The following PPP1R18 variants were observed in gnomAD, a reference collection of about 807,000 sequenced individuals.
PPP1R18 encodes the protein phostensin.
In PPP1R18, 31 loss-of-function variants were observed where a neutral mutation model predicts 54.8. The ratio of observed to expected loss-of-function variants is 0.57; its 90% CI spans 0.43 to 0.76. The LOEUF (loss-of-function observed/expected upper bound fraction) is 0.76. PPP1R18 is among the 30% of genes least tolerant of loss of function. The probability of loss-of-function intolerance (pLI) is 0.00; values close to 1 mark genes in which losing one functional copy is unlikely to be tolerated. For missense variants in PPP1R18, 685 were observed against 776.1 expected, an observed-to-expected ratio of 0.88 and a Z score of 1.39; for synonymous variants, 310 against 320.2, an observed-to-expected ratio of 0.97 and a Z score of 0.34.
intron 2 of PPP1R18, among the ~76,000 whole-genome samples, chr6:30,678,462 G>A (rs907325501): frequency 1.3e-5 from 2 of 150,230 alleles, no homozygotes; most frequent in Non-Finnish European, 3.0e-5. Context: ...TGCAAGCTCC[G>A]CCTCCCAGGT....
At chr6:30,682,226 G>A (rs1471933163) in intron 1 of PPP1R18, among the ~76,000 whole-genome samples, 3 of 151,934 alleles carry the variant, frequency 2.0e-5, no homozygotes, top group African/African-American at 7.3e-5. Context: ...GCCTGCATGG[G>A]AGTGGGGGGG....
rs768520051 is a variant in PPP1R18, at chr6:30,685,950, T to C, written c.69A>G (p.Arg23=). 6.2e-7 allele frequency: 1 copy of C among 1,605,034 alleles called. No homozygotes were observed. Among genetic ancestry groups the C allele is most frequent in the Non-Finnish European group, 8.5e-7 (1 of 1,179,284 alleles). ...GCTCCCGTTCTGCTTTCTCTCGGCC[T>C]CGAACGGACGCCTCCTCCTGCCGGC... ...ARRRQEEASV[R]GREKAERERL... The change falls in exon 1 of 3, where the codon CGA becomes CGG. Residue 23 remains arginine (R), a synonymous_variant. Transcript: ENST00000274853. This position sits in a 1 kb window ranked among gnomAD's most constrained non-coding sequence, Gnocchi z 5.0.
chr6:30,683,466 C>G lies in PPP1R18; in HGVS notation c.1611+942G>C, dbSNP rs1414473928. ...CCCCAACCCCTGTCCAGAACTCCCA[C>G]TGTGCTCCCTGGCCAGTGCCTGTTC... On this transcript the variant is annotated intron_variant, in intron 1 of 2. Transcript: ENST00000274853. This position sits in a 1 kb window ranked among gnomAD's most constrained non-coding sequence, Gnocchi z 5.1. Among the ~76,000 whole-genome samples, 1 of 152,200 alleles carries G rather than the reference C, an allele frequency of 6.6e-6. No individual in the cohort carries two copies. Among genetic ancestry groups the G allele is most frequent in the Non-Finnish European group, 1.5e-5 (1 of 68,036 alleles).
rs370875519 is a variant in PPP1R18 at position 30,685,977 on chromosome 6, C to T, written c.42G>A (p.Arg14=). 1.8e-5 allele frequency: 29 copies of T among 1,594,444 alleles called. No individual in the cohort carries two copies. The highest frequency in any genetic ancestry group is 2.2e-5 in the Non-Finnish European group (26 of 1,175,410). ...GAACGGACGCCTCCTCCTGCCGGCG[C>T]CGGGCTAGCAGCTGTAGCTTCCAGT... ...IPDWKLQLLA[R]RRQEEASVRG... Residue 14 remains arginine (R), a synonymous_variant, in exon 1 of 3, where the codon CGG becomes CGA. Coordinates refer to ENST00000274853, the MANE Select transcript of PPP1R18 (RefSeq NM_133471.4). This position sits in a 1 kb window ranked among gnomAD's most constrained non-coding sequence, Gnocchi z 5.0.
rs140243582 is a variant in PPP1R18, at chr6:30,677,165, TC to T, written c.*103del. The T allele has an allele frequency of 4.9e-3, 5,589 of 1,134,046 alleles. 45 individuals carry two copies. The highest frequency in any genetic ancestry group is 0.027 in the African/African-American group (1,796 of 65,586). The allele number at this position is 1,134,046 out of a possible 1,614,324, so 70.2% of individuals were successfully genotyped here. On this transcript the variant is annotated 3_prime_UTR_variant, in exon 3 of 3. Transcript: ENST00000274853. ...CAAGTTACAAGATGTTGGTTGCCCT[TC>T]CCTGCCAGGCTCATTATCAGGGTCT...
Position 30,676,582 on chromosome 6 carries a change from G to T in PPP1R18, c.*687C>A, listed in dbSNP as rs16897791. 7,514 of 158,016 alleles carry T rather than the reference G, an allele frequency of 0.048. 371 individuals carry two copies. The highest frequency in any genetic ancestry group is 0.12 in the African/African-American group (4,887 of 41,528). The allele number at this position is 158,016 out of a possible 1,614,324, so 9.8% of individuals were successfully genotyped here. On this transcript the variant is annotated 3_prime_UTR_variant, in exon 3 of 3. Transcript: ENST00000274853. Reference sequence around the variant, plus strand: ...ACTATCAAGGGGTACAGAGTTAAGAGTTCCAGCCTTCCCTCTTGGGGAAAA... The same window carrying T: ...ACTATCAAGGGGTACAGAGTTAAGATTTCCAGCCTTCCCTCTTGGGGAAAA...
intron 1 of PPP1R18, among the ~76,000 whole-genome samples, chr6:30,680,876 G>T (rs1356531792): frequency 1.2e-4 from 18 of 151,830 alleles, no homozygotes. Context: ...ACAAGGTCAA[G>T]AGATTGAGAC....
rs1314254209 is a variant in PPP1R18 at position 30,685,890 on chromosome 6, G to A, written c.129C>T (p.Leu43=). The part of the protein sequence containing the change: ...LSQMPAWKRG[L]LERRRAKLGL... ...CAAGCTTGGCCCGGCGGCGCTCCAG[G>A]AGCCCTCGTTTCCAGGCTGGCATCT... The change falls in exon 1 of 3, where the codon CTC becomes CTT. Residue 43 remains leucine (L), a synonymous_variant. Transcript: ENST00000274853. This position sits in a 1 kb window ranked among gnomAD's most constrained non-coding sequence, Gnocchi z 5.0. 4.3e-6 allele frequency: 7 copies of A among 1,610,956 alleles called. No homozygotes were observed.
At chr6:30,682,977 C>T (rs1770642090) in intron 1 of PPP1R18, among the ~76,000 whole-genome samples, 1 of 152,182 alleles carries the variant, frequency 6.6e-6, no homozygotes, top group Non-Finnish European at 1.5e-5. Flanking sequence ...CTGTTTTTTT[C>T]ATCTGCCCAG....
At position 30,677,242 on chromosome 6, in the gene PPP1R18, G is replaced by A. The variant is rs982687389; in HGVS notation, c.*27C>T. ...AGGATCTTCAGTTATAAGAAGGAGG[G>A]AGGTATATCCCTATGTTGGAAGATG... is the stretch of plus-strand genomic sequence containing the variant. On this transcript the variant is annotated 3_prime_UTR_variant, in exon 3 of 3. Transcript: ENST00000274853. The A allele has an allele frequency of 3.1e-6, 5 of 1,597,434 alleles. No individual in the cohort carries two copies. In the African/African-American group the frequency reaches 6.7e-5, roughly 21 times the overall value.
intron 2 of PPP1R18, among the ~76,000 whole-genome samples, chr6:30,678,700 T>A (rs1056165092): frequency 6.6e-6 from 1 of 152,060 alleles, no homozygotes; most frequent in Non-Finnish European, 1.5e-5. Flanking sequence ...ATTTTTCAAT[T>A]TTTTTGTAGA....
upstream of PPP1R18, chr6:30,688,231 G>C (rs1771153135): frequency 1.6e-5 from 3 of 192,958 alleles, no homozygotes; most frequent in South Asian, 2.8e-4. This position sits in a 1 kb window ranked among gnomAD's most constrained non-coding sequence, Gnocchi z 5.9. Context: ...TTGGGGCCTG[G>C]AGGGACAGCT....
At chr6:30,679,440 C>A (rs1770405099) in intron 1 of PPP1R18, 51 bp from the exon 2 acceptor site, 1 of 1,271,518 alleles carries the variant, frequency 7.9e-7, no homozygotes, top group Non-Finnish European at 1.1e-6. Flanking sequence ...AGGGGAGAAG[C>A]CCGCGGGGGT....
intron 1 of PPP1R18, among the ~76,000 whole-genome samples, chr6:30,682,605 C>T (rs1407502166): frequency 2.0e-5 from 3 of 151,934 alleles, no homozygotes; most frequent in Non-Finnish European, 4.4e-5. Context: ...GTGCTGCCTC[C>T]TCCCCACCCC....
In PPP1R18 at chr6:30,685,283, T is replaced by C; in HGVS notation, c.736A>G (p.Arg246Gly). The C allele has an allele frequency of 6.2e-7, 1 of 1,613,122 alleles. No individual in the cohort carries two copies. Among genetic ancestry groups the C allele is most frequent in the Non-Finnish European group, 8.5e-7 (1 of 1,180,026 alleles). ...TEAHKWRPDS[R>G]ESQEQSLVQL... ...ACCAAACTCTGTTCCTGAGACTCTCTGGAGTCAGGTCTCCATTTATGGGCC... is the reference window on the plus strand; with the variant it reads ...ACCAAACTCTGTTCCTGAGACTCTCCGGAGTCAGGTCTCCATTTATGGGCC... Residue 246 changes from arginine (R) to glycine (G), a missense_variant, in exon 1 of 3, where the codon AGA becomes GGA. Arg to Gly is a moderately radical substitution (Grantham distance 125, BLOSUM62 -2). Coordinates refer to ENST00000274853, the MANE Select transcript of PPP1R18 (RefSeq NM_133471.4). This position sits in a 1 kb window ranked among gnomAD's most constrained non-coding sequence, Gnocchi z 5.0.
At position 30,684,686 on chromosome 6, in the gene PPP1R18, C is replaced by G; in HGVS notation, c.1333G>C (p.Gly445Arg). 2 of 1,486,000 alleles carry G rather than the reference C, an allele frequency of 1.3e-6. No individual in the cohort carries two copies. Among genetic ancestry groups the G allele is most frequent in the Middle Eastern group, 4.0e-4 (2 of 5,034 alleles). The allele number at this position is 1,486,000 out of a possible 1,614,324, so 92.1% of individuals were successfully genotyped here. A position where few individuals can be genotyped will look rare whatever the true frequency, so the allele number is the denominator to read the frequency against. Residue 445 changes from glycine to arginine, a missense_variant, in exon 1 of 3, where the codon GGG becomes CGG. Coordinates refer to ENST00000274853, the MANE Select transcript of PPP1R18 (RefSeq NM_133471.4). The surrounding 1 kb of genome is among the most constrained non-coding windows in gnomAD (Gnocchi z 6.0). Reference sequence around the variant, plus strand: ...AACAGGCGGCTCATGAGGGGATCCCCAGGAGGTTGGGGGGCAGTTGGGGCT... The same window carrying G: ...AACAGGCGGCTCATGAGGGGATCCCGAGGAGGTTGGGGGGCAGTTGGGGCT... ...PPAPTAPQPP[G>R]DPLMSRLFYG...
chr6:30,685,476 G>A lies in PPP1R18; in HGVS notation c.543C>T (p.Asp181=). 2 of 1,612,950 alleles carry A rather than the reference G, an allele frequency of 1.2e-6. No individual in the cohort carries two copies. Among genetic ancestry groups the A allele is most frequent in the Non-Finnish European group, 1.7e-6 (2 of 1,180,006 alleles). Residue 181 remains aspartate, a synonymous_variant, in exon 1 of 3, where the codon GAC becomes GAT. Coordinates refer to ENST00000274853, the MANE Select transcript of PPP1R18 (RefSeq NM_133471.4). The surrounding 1 kb of genome is among the most constrained non-coding windows in gnomAD (Gnocchi z 5.0). The part of the protein sequence containing the change: ...DWRQSPGEVG[D]RSSRLSEAWK... ...ATGCCTCTGACAGTCGGGAGCTCCTGTCTCCCACCTCTCCTGGGCTTTGCC... is the reference window on the plus strand; with the variant it reads ...ATGCCTCTGACAGTCGGGAGCTCCTATCTCCCACCTCTCCTGGGCTTTGCC...
Position 30,684,175 on chromosome 6 carries a change from G to A in PPP1R18, c.1611+233C>T, listed in dbSNP as rs1352088305. ...ATGAGCAGCCTGGCACACCCTGAAA[G>A]AGACACACCCAGAGACAGCCTTTGC... On this transcript the variant is annotated intron_variant, in intron 1 of 2. Coordinates refer to ENST00000274853, the MANE Select transcript of PPP1R18 (RefSeq NM_133471.4). The surrounding 1 kb of genome is among the most constrained non-coding windows in gnomAD (Gnocchi z 6.0). Among the ~76,000 whole-genome samples, 1 of 152,206 alleles carries A rather than the reference G, an allele frequency of 6.6e-6. No individual in the cohort carries two copies. Among genetic ancestry groups the A allele is most frequent in the Non-Finnish European group, 1.5e-5 (1 of 68,050 alleles).
rs576156622 is a variant in PPP1R18, at chr6:30,683,155, T to C, written c.1611+1253A>G. On this transcript the variant is annotated intron_variant, in intron 1 of 2. Coordinates refer to ENST00000274853, the MANE Select transcript of PPP1R18 (RefSeq NM_133471.4). This position sits in a 1 kb window ranked among gnomAD's most constrained non-coding sequence, Gnocchi z 5.1. ...ATCTTTAGTCCCTGTGGTTCCCCACTGACACTGAGGACACAAAAAAATCAA... is the reference window on the plus strand; with the variant it reads ...ATCTTTAGTCCCTGTGGTTCCCCACCGACACTGAGGACACAAAAAAATCAA... 6.6e-6 allele frequency among the ~76,000 whole-genome samples: 1 copy of C among 152,330 alleles called. No individual in the cohort carries two copies. Among genetic ancestry groups the C allele is most frequent in the Admixed American group, 6.5e-5 (1 of 15,308 alleles).
Sources: gnomAD v4.1 joint callset for allele counts (sites outside exome capture counted in the v4.1 genomes callset) on GRCh38, gnomAD v4.1.1 for gene constraint, Gnocchi (gnomAD v3.1) non-coding constraint, MANE v1.5 for transcripts, NCBI Gene and HGNC (gene_info 2026-07-23, HGNC 2026-07-21) for gene names.